The following PRKCQ variants were observed in gnomAD, a reference collection of about 807,000 sequenced individuals.
PRKCQ encodes the protein protein kinase C theta, also known as protein kinase C theta type.
In PRKCQ, 41 loss-of-function variants were observed where a neutral mutation model predicts 91.2. The ratio of observed to expected loss-of-function variants is 0.45; its 90% CI spans 0.35 to 0.58. The LOEUF (loss-of-function observed/expected upper bound fraction) is 0.58, where lower values mean the gene tolerates loss of function less well. PRKCQ is among the 20% of genes least tolerant of loss of function. The probability of loss-of-function intolerance (pLI) is 0.00; values close to 1 mark genes in which losing one functional copy is unlikely to be tolerated. For missense variants in PRKCQ, 673 were observed against 896.5 expected, an observed-to-expected ratio of 0.75 and a Z score of 3.18; for synonymous variants, 307 against 316.9, an observed-to-expected ratio of 0.97 and a Z score of 0.33.
chr10:6,406,669 AAT>A, the PRKCQ span, among the ~76,000 whole-genome samples: 1 of 152,364 alleles, frequency 6.6e-6, no homozygotes, highest in South Asian at 2.1e-4. Context: ...CCATGAAACG[AAT>A]ATGTCTTTGT....
intron 8 of PRKCQ, among the ~76,000 whole-genome samples, chr10:6,490,594 A>AC (rs1343445040): frequency 2.6e-5 from 4 of 151,408 alleles, no homozygotes; most frequent in Middle Eastern, 3.4e-3. Flanking sequence ...AACAAAAAAA[A>AC]CAAAAACAGG....
chr10:6,467,063 G>A (rs537919930), intron 12 of PRKCQ, among the ~76,000 whole-genome samples: 101 of 152,178 alleles, frequency 6.6e-4, no homozygotes, highest in African/African-American at 2.3e-3. Context: ...CTCTGCATTG[G>A]TCCTCAGTGG....
rs377300786 is a variant in PRKCQ at position 6,451,974 on chromosome 10, G to T, written c.1647+4700C>A. On this transcript the variant is annotated intron_variant, in intron 15 of 17. Coordinates refer to ENST00000263125, the MANE Select transcript of PRKCQ (RefSeq NM_006257.5). ...GACAAACCCACAGCCAATATCATAC[G>T]GAATGGGCAAAAACTGGAAGCATTC... Among the ~76,000 whole-genome samples, 454 of 152,116 alleles carry T rather than the reference G, an allele frequency of 3.0e-3. 4 individuals carry two copies. The highest frequency in any genetic ancestry group is 0.01 in the Middle Eastern group (3 of 294).
At chr10:6,459,162 C>A (rs1473989047) in intron 14 of PRKCQ, among the ~76,000 whole-genome samples, 1 of 152,230 alleles carries the variant, frequency 6.6e-6, no homozygotes, top group Non-Finnish European at 1.5e-5. Flanking sequence ...AGTCTACCTT[C>A]ACAGAAGAAT....
intron 1 of PRKCQ, among the ~76,000 whole-genome samples, chr10:6,561,940 G>A (rs1564394962): frequency 1.3e-5 from 2 of 152,158 alleles, no homozygotes; most frequent in Admixed American, 1.3e-4. Context: ...AAGGGAGTTG[G>A]AGATCTGAGG....
chr10:6,463,392 T>G (rs373279463), intron 13 of PRKCQ, among the ~76,000 whole-genome samples: 104 of 152,260 alleles, frequency 6.8e-4, no homozygotes, highest in African/African-American at 2.5e-3. Flanking sequence ...CCGGGCTGGC[T>G]GGAGACGACA....
At chr10:6,559,216 T>A (rs1840531694) in intron 1 of PRKCQ, among the ~76,000 whole-genome samples, 1 of 152,140 alleles carries the variant, frequency 6.6e-6, no homozygotes. Context: ...ACCAACTAGG[T>A]GCCAGGAAAA....
At chr10:6,448,237 T>C (rs575767959) in intron 15 of PRKCQ, among the ~76,000 whole-genome samples, 3 of 152,076 alleles carry the variant, frequency 2.0e-5, no homozygotes, top group Admixed American at 6.5e-5. Flanking sequence ...AGAAGCTCAA[T>C]GGATTGGTCA....
chr10:6,493,253 T>C (rs879601883), intron 7 of PRKCQ, among the ~76,000 whole-genome samples: 1 of 151,972 alleles, frequency 6.6e-6, no homozygotes, highest in Non-Finnish European at 1.5e-5. Flanking sequence ...TAATACATCC[T>C]GGAGTTTGAA....
chr10:6,559,543 G>A (rs367843677), intron 1 of PRKCQ, among the ~76,000 whole-genome samples: 15 of 152,200 alleles, frequency 9.9e-5, no homozygotes, highest in African/African-American at 3.4e-4. Context: ...ATTTTTAGTA[G>A]AGATGGGATT....
chr10:6,529,230 C>A (rs1394843157), intron 1 of PRKCQ, among the ~76,000 whole-genome samples: 2 of 152,222 alleles, frequency 1.3e-5, no homozygotes, highest in Non-Finnish European at 2.9e-5. Flanking sequence ...TCCCTGGCAT[C>A]ATTTTCTAAC....
At chr10:6,549,349 G>C (rs948475157) in intron 1 of PRKCQ, among the ~76,000 whole-genome samples, 2 of 152,130 alleles carry the variant, frequency 1.3e-5, no homozygotes, top group African/African-American at 4.8e-5. Flanking sequence ...TGGAAGGGCA[G>C]AATGCTTCAT....
intron 1 of PRKCQ, among the ~76,000 whole-genome samples, chr10:6,546,582 G>A (rs1040938773): frequency 2.6e-5 from 4 of 152,112 alleles, no homozygotes; most frequent in South Asian, 2.1e-4. Flanking sequence ...CATTGATTTC[G>A]TATCCTGAGA....
intron 12 of PRKCQ, among the ~76,000 whole-genome samples, chr10:6,472,661 T>C (rs906938638): frequency 2.5e-4 from 38 of 152,218 alleles, no homozygotes; most frequent in African/African-American, 9.2e-4. Flanking sequence ...TTCTGTACAA[T>C]GACTAGAGAG....
the PRKCQ span, among the ~76,000 whole-genome samples, chr10:6,402,777 G>A: frequency 3.9e-5 from 6 of 152,170 alleles, 1 homozygote; most frequent in South Asian, 4.1e-4. Context: ...AAGTGTGGTC[G>A]TGGGCACCTG....
chr10:6,552,095 GCTT>G (rs1840209564), intron 1 of PRKCQ, among the ~76,000 whole-genome samples: 1 of 151,934 alleles, frequency 6.6e-6, no homozygotes, highest in African/African-American at 2.4e-5. Context: ...TTTTTCATAT[GCTT>G]GTTGGCTATC....
At chr10:6,579,428 G>A (rs561474961) in intron 1 of PRKCQ, among the ~76,000 whole-genome samples, 98 of 152,190 alleles carry the variant, frequency 6.4e-4, no homozygotes, top group African/African-American at 2.2e-3. Flanking sequence ...AGAAATGACC[G>A]GAGTCTCCCA....
At chr10:6,443,169 T>C (rs560336599) in intron 15 of PRKCQ, among the ~76,000 whole-genome samples, 1 of 152,318 alleles carries the variant, frequency 6.6e-6, no homozygotes, top group East Asian at 1.9e-4. Flanking sequence ...TTTCAATGAA[T>C]TCCTTTTTGG....
rs780322715 is a variant in PRKCQ, at chr10:6,576,894, GAATAAT to G, written c.-10+3311_-10+3316del. Reference sequence around the variant, plus strand: ...CTCAGTTTCCTCATCTGAAAAACTGGAATAATAATAATATCTAATTTATAAAGGCTT... The same window carrying G: ...CTCAGTTTCCTCATCTGAAAAACTGGAATAATATCTAATTTATAAAGGCTT... On this transcript the variant is annotated intron_variant, in intron 1 of 17. Transcript: ENST00000263125. The surrounding 1 kb of genome is among the most constrained non-coding windows in gnomAD (Gnocchi z 4.2). 6.6e-6 allele frequency among the ~76,000 whole-genome samples: 1 copy of G among 151,964 alleles called. No individual in the cohort carries two copies. Among genetic ancestry groups the G allele is most frequent in the Admixed American group, 6.6e-5 (1 of 15,242 alleles).
Sources: gnomAD v4.1 joint callset for allele counts (sites outside exome capture counted in the v4.1 genomes callset) on GRCh38, gnomAD v4.1.1 for gene constraint, Gnocchi (gnomAD v3.1) non-coding constraint, MANE v1.5 for transcripts, NCBI Gene and HGNC (gene_info 2026-07-23, HGNC 2026-07-21) for gene names.